Variants in TRABD2B observed in about 807,000 individuals in gnomAD.
TRABD2B encodes the protein TraB domain containing 2B.
In TRABD2B, 14 loss-of-function variants were observed where a neutral mutation model predicts 40.1. That is an observed-to-expected ratio of 0.35 (90% CI 0.23 to 0.55). TRABD2B has a LOEUF of 0.55. TRABD2B is among the 20% of genes least tolerant of loss of function. The probability of loss-of-function intolerance (pLI) is 0.90; values close to 1 mark genes in which losing one functional copy is unlikely to be tolerated. For missense variants in TRABD2B, 541 were observed against 648.6 expected (o/e 0.83, Z 1.80); for synonymous variants, 263 against 277.0 (o/e 0.95, Z 0.50).
At chr1:47,977,119 C>T (rs1645767957) in intron 2 of TRABD2B, among the ~76,000 whole-genome samples, 1 of 148,630 alleles carries the variant, frequency 6.7e-6, no homozygotes, top group Admixed American at 6.8e-5. Flanking sequence ...GTTGCTCAGG[C>T]TGGAGTGCAG....
chr1:47,823,827 C>G (rs528268182), intron 2 of TRABD2B, among the ~76,000 whole-genome samples: 16 of 152,328 alleles, frequency 1.1e-4, no homozygotes, highest in African/African-American at 3.8e-4. Flanking sequence ...TCGATTCCTA[C>G]TTCAGAACTC....
chr1:47,822,687 T>C (rs1472241208), intron 2 of TRABD2B, among the ~76,000 whole-genome samples: 1 of 152,250 alleles, frequency 6.6e-6, no homozygotes, highest in African/African-American at 2.4e-5. Context: ...TAGCTACTCT[T>C]ATTATCCCCA....
chr1:47,779,464 T>C (rs1644491371), intron 4 of TRABD2B, among the ~76,000 whole-genome samples: 2 of 152,192 alleles, frequency 1.3e-5, no homozygotes, highest in South Asian at 4.1e-4. Context: ...AATACAGAAA[T>C]GGGCAATTTA....
chr1:47,971,864 A>T (rs1340638013), intron 2 of TRABD2B, among the ~76,000 whole-genome samples: 1 of 152,152 alleles, frequency 6.6e-6, no homozygotes, highest in Non-Finnish European at 1.5e-5. Context: ...AAGTGATTAA[A>T]TGTTATAATA....
intron 2 of TRABD2B, among the ~76,000 whole-genome samples, chr1:47,982,234 C>T (rs11205431): frequency 0.35 from 53,335 of 151,972 alleles, 9,709 homozygotes; most frequent in African/African-American, 0.43. Flanking sequence ...ATCTTTTGTA[C>T]AGAATGGGCT....
intron 2 of TRABD2B, chr1:47,818,988 ATTCT>A (rs1454020980): frequency 6.6e-5 from 10 of 152,324 alleles, no homozygotes; most frequent in African/African-American, 2.4e-4. Flanking sequence ...TGGGCTTTTC[ATTCT>A]TTCTAATTTT....
chr1:47,957,824 G>A (rs1252581953), intron 2 of TRABD2B, among the ~76,000 whole-genome samples: 2 of 152,116 alleles, frequency 1.3e-5, no homozygotes, highest in African/African-American at 2.4e-5. Flanking sequence ...ACCTAGCAAC[G>A]CAGGCCAACA....
chr1:47,995,795 C>T (rs536395937), intron 1 of TRABD2B, among the ~76,000 whole-genome samples: 1 of 152,260 alleles, frequency 6.6e-6, no homozygotes, highest in Non-Finnish European at 1.5e-5. Flanking sequence ...AGCATGTTGG[C>T]GATAGACTGA....
intron 2 of TRABD2B, among the ~76,000 whole-genome samples, chr1:47,830,444 A>G (rs2124447070): frequency 6.6e-6 from 1 of 152,364 alleles, no homozygotes; most frequent in Admixed American, 6.5e-5. Context: ...CCAAGCTGGG[A>G]ATCAGAAGGA....
intron 2 of TRABD2B, among the ~76,000 whole-genome samples, chr1:47,803,023 AAAAAAT>A (rs1032953722): frequency 6.6e-6 from 1 of 152,176 alleles, no homozygotes; most frequent in Non-Finnish European, 1.5e-5. Context: ...AGCAAAAAAA[AAAAAAT>A]CTTCTGCCTT....
chr1:47,842,458 G>A lies in TRABD2B; in HGVS notation c.667-40839C>T, dbSNP rs1399219665. 2.6e-5 allele frequency among the ~76,000 whole-genome samples: 4 copies of A among 152,282 alleles called. No individual in the cohort carries two copies. In the East Asian group the frequency reaches 7.8e-4, roughly 30 times the overall value. ...TGGGGCTATACCCTCCCAGGGGGGA[G>A]GATACTGGTCCTACAGACATCTGCC... On this transcript the variant is annotated intron_variant, in intron 2 of 6. Coordinates refer to ENST00000606738, the MANE Select transcript of TRABD2B (RefSeq NM_001194986.2).
At chr1:47,989,993 G>C (rs748526388) in intron 2 of TRABD2B, among the ~76,000 whole-genome samples, 11 of 152,160 alleles carry the variant, frequency 7.2e-5, no homozygotes, top group Non-Finnish European at 1.6e-4. Flanking sequence ...TTGCATCTCT[G>C]TGAGGGTTAG....
chr1:47,890,140 G>A (rs1644424916), intron 2 of TRABD2B, among the ~76,000 whole-genome samples: 1 of 152,216 alleles, frequency 6.6e-6, no homozygotes, highest in Admixed American at 6.5e-5. Flanking sequence ...TGCTACACAG[G>A]TAGGTTGTTA....
chr1:47,920,141 A>C (rs534773205), intron 2 of TRABD2B, among the ~76,000 whole-genome samples: 1 of 152,316 alleles, frequency 6.6e-6, no homozygotes, highest in African/African-American at 2.4e-5. Context: ...GGTTTTCCTG[A>C]GGATCGAGTG....
chr1:47,767,667 A>G (rs1212698363), intron 6 of TRABD2B, among the ~76,000 whole-genome samples: 2 of 152,212 alleles, frequency 1.3e-5, no homozygotes, highest in Non-Finnish European at 2.9e-5. Context: ...GGTGGGCAAG[A>G]AGCTTGCCCT....
At chr1:47,926,698 G>A (rs983032530) in intron 2 of TRABD2B, among the ~76,000 whole-genome samples, 1 of 152,156 alleles carries the variant, frequency 6.6e-6, no homozygotes, top group Non-Finnish European at 1.5e-5. Flanking sequence ...AATGGGGAGG[G>A]TTGAGGATAG....
At chr1:47,995,171 A>C (rs1220146586) in intron 1 of TRABD2B, among the ~76,000 whole-genome samples, 1 of 151,370 alleles carries the variant, frequency 6.6e-6, no homozygotes, top group Non-Finnish European at 1.5e-5. Flanking sequence ...AAAGCAGAAC[A>C]CCTATTAAAA....
At chr1:47,826,074 G>A (rs909410709) in intron 2 of TRABD2B, among the ~76,000 whole-genome samples, 3 of 152,190 alleles carry the variant, frequency 2.0e-5, no homozygotes, top group African/African-American at 7.2e-5. Context: ...AATGGCAGTT[G>A]GGCAAGTGAG....
At chr1:47,937,173 A>G (rs1645121298) in intron 2 of TRABD2B, among the ~76,000 whole-genome samples, 1 of 151,650 alleles carries the variant, frequency 6.6e-6, no homozygotes, top group Admixed American at 6.6e-5. Flanking sequence ...CACCACCACC[A>G]CCATCATTAT....
Sources: allele counts gnomAD v4.1 joint callset (sites outside exome capture counted in the v4.1 genomes callset), GRCh38; gene constraint gnomAD v4.1.1; transcripts MANE v1.5; gene names NCBI Gene and HGNC (gene_info 2026-07-23, HGNC 2026-07-21).